The following ADGRL2 variants were observed in gnomAD, a reference collection of about 807,000 sequenced individuals.
ADGRL2 encodes the protein adhesion G protein-coupled receptor L2.
In ADGRL2, 44 loss-of-function variants were observed where a neutral mutation model predicts 157.4. The ratio of observed to expected loss-of-function variants is 0.28; its 90% confidence interval spans 0.22 to 0.36. ADGRL2 has a LOEUF of 0.36. Among genes scored for constraint, ADGRL2 ranks in the 10% least tolerant of loss-of-function variants. The pLI is 1.00. For missense variants in ADGRL2, 1,510 were observed against 1,768.9 expected (o/e 0.85, Z 2.63); for synonymous variants, 585 against 624.7 (o/e 0.94, Z 0.95).
chr1:81,915,492 GT>G (rs1412068534), intron 3 of ADGRL2, among the ~76,000 whole-genome samples: 2 of 152,028 alleles, frequency 1.3e-5, no homozygotes, highest in Non-Finnish European at 2.9e-5. Context: ...AATTTAGGGG[GT>G]TTTTACCTTT....
At chr1:81,436,281 G>A (rs2077407803) in intron 1 of ADGRL2, among the ~76,000 whole-genome samples, 1 of 151,986 alleles carries the variant, frequency 6.6e-6, no homozygotes, top group South Asian at 2.1e-4. Context: ...ACGACATCAC[G>A]GTAGAGCATG....
chr1:81,475,532 A>G (rs961905083), intron 2 of ADGRL2, among the ~76,000 whole-genome samples: 11 of 152,214 alleles, frequency 7.2e-5, no homozygotes, highest in African/African-American at 2.7e-4. Flanking sequence ...CTATGTTACA[A>G]TTTGACCAAT....
intron 11 of ADGRL2, among the ~76,000 whole-genome samples, chr1:81,959,492 A>G (rs1465966665): frequency 6.6e-6 from 1 of 152,028 alleles, no homozygotes; most frequent in Admixed American, 6.6e-5. Flanking sequence ...AGAAGTTTTT[A>G]ATTTTGATTT....
At chr1:81,438,689 A>G (rs1283555329) in intron 1 of ADGRL2, among the ~76,000 whole-genome samples, 1 of 152,148 alleles carries the variant, frequency 6.6e-6, no homozygotes, top group Non-Finnish European at 1.5e-5. Flanking sequence ...TGAAGAAAGG[A>G]GTTTGCAGCA....
chr1:81,778,495 C>G (rs891353686), intron 2 of ADGRL2, among the ~76,000 whole-genome samples: 1 of 152,070 alleles, frequency 6.6e-6, no homozygotes, highest in African/African-American at 2.4e-5. Context: ...GTAGGCTGAA[C>G]AGCTTACTCT....
At chr1:81,397,313 CTTTTTTTT>C (rs59449077) in intron 1 of ADGRL2, among the ~76,000 whole-genome samples, 2 of 53,616 alleles carry the variant, frequency 3.7e-5, no homozygotes, top group South Asian at 9.6e-4. Flanking sequence ...ATAATGTCTC[CTTTTTTTT>C]TTTTTTTTTT....
intron 2 of ADGRL2, among the ~76,000 whole-genome samples, chr1:81,894,994 C>G (rs1274628380): frequency 1.3e-5 from 2 of 152,074 alleles, no homozygotes; most frequent in African/African-American, 4.8e-5. Flanking sequence ...GAAGAGGTGC[C>G]ACTAGTTTCA....
intron 1 of ADGRL2, among the ~76,000 whole-genome samples, chr1:81,354,872 G>A (rs2100860096): frequency 6.6e-6 from 1 of 152,260 alleles, no homozygotes; most frequent in South Asian, 2.1e-4. Context: ...ATTAAAATCA[G>A]GGAATATAAA....
intron 1 of ADGRL2, among the ~76,000 whole-genome samples, chr1:81,334,979 C>A (rs1661530715): frequency 6.6e-6 from 1 of 152,098 alleles, no homozygotes; most frequent in Admixed American, 6.6e-5. Flanking sequence ...TTCACATGTT[C>A]CTTTGTTGCA....
chr1:81,721,946 T>G, intron 1 of ADGRL2: 1 of 645,718 alleles, frequency 1.5e-6, no homozygotes, highest in South Asian at 1.4e-5. Context: ...AAGTTGATAA[T>G]GAATGGGTGA....
At chr1:81,395,134 C>A (rs1232821365) in intron 1 of ADGRL2, among the ~76,000 whole-genome samples, 1 of 152,092 alleles carries the variant, frequency 6.6e-6, no homozygotes, top group Non-Finnish European at 1.5e-5. Context: ...TGGTTTTGAA[C>A]TCCTGGCCTC....
intron 1 of ADGRL2, among the ~76,000 whole-genome samples, chr1:81,334,216 T>C (rs1157709221): frequency 6.6e-6 from 1 of 152,204 alleles, no homozygotes; most frequent in Non-Finnish European, 1.5e-5. Flanking sequence ...GCTGTGAGCC[T>C]ACATAGGTTG....
intron 1 of ADGRL2, among the ~76,000 whole-genome samples, chr1:81,381,207 A>C (rs1390814373): frequency 6.6e-6 from 1 of 152,084 alleles, no homozygotes; most frequent in African/African-American, 2.4e-5. Flanking sequence ...AGTCAAATTC[A>C]TGATATTTTA....
At chr1:81,668,652 C>T (rs931201782) in intron 3 of ADGRL2, among the ~76,000 whole-genome samples, 9 of 152,018 alleles carry the variant, frequency 5.9e-5, no homozygotes, top group Non-Finnish European at 1.0e-4. Context: ...CAACCTCTGC[C>T]TCTGAGTTCA....
At chr1:81,571,349 CAT>C (rs111883003) in intron 2 of ADGRL2, among the ~76,000 whole-genome samples, 4,933 of 143,350 alleles carry the variant, frequency 0.034, 105 homozygotes, top group East Asian at 0.039. Context: ...TATATATATA[CAT>C]ATATATATAT....
intron 1 of ADGRL2, among the ~76,000 whole-genome samples, chr1:81,360,832 C>A (rs2075964663): frequency 6.6e-6 from 1 of 151,906 alleles, no homozygotes; most frequent in East Asian, 1.9e-4. Context: ...CTTTTATATT[C>A]TTTCTTAAGC....
chr1:81,373,945 T>C (rs1480139276), intron 1 of ADGRL2, among the ~76,000 whole-genome samples: 2 of 152,062 alleles, frequency 1.3e-5, no homozygotes, highest in Non-Finnish European at 2.9e-5. Flanking sequence ...CATGTAAAAA[T>C]GTAGTAGGTC....
chr1:81,934,562 G>A lies in ADGRL2; in HGVS notation c.288-2166G>A, dbSNP rs565568418. Among the ~76,000 whole-genome samples the A allele has an allele frequency of 4.7e-4, 72 of 151,928 alleles. 1 individual carries two copies. In the South Asian group the frequency reaches 0.013, roughly 28 times the overall value. Reference sequence around the variant, plus strand: ...TAATAGCAAAGTCTTTCATGTTCATGTTCTTGGTCCATTTCAACTTTGAGT... The same window carrying A: ...TAATAGCAAAGTCTTTCATGTTCATATTCTTGGTCCATTTCAACTTTGAGT... On this transcript the variant is annotated intron_variant, in intron 3 of 23. Transcript: ENST00000686636.
intron 3 of ADGRL2, among the ~76,000 whole-genome samples, chr1:81,581,905 CA>C (rs2080921985): frequency 6.6e-6 from 1 of 151,702 alleles, no homozygotes; most frequent in South Asian, 2.1e-4. Context: ...CACACACACA[CA>C]CACACCCCTG....
Sources: gnomAD v4.1 joint callset for allele counts (sites outside exome capture counted in the v4.1 genomes callset) on GRCh38, gnomAD v4.1.1 for gene constraint, MANE v1.5 for transcripts, NCBI Gene and HGNC (gene_info 2026-07-23, HGNC 2026-07-21) for gene names.